VPS13B: variants seen among roughly 807,000 people sequenced by gnomAD.
The protein encoded by VPS13B is vacuolar protein sorting 13 homolog B.
VPS13B carries 285 observed loss-of-function variants against 426.4 expected under a neutral mutation model. The ratio of observed to expected loss-of-function variants is 0.67; its 90% CI spans 0.61 to 0.74. The LOEUF (loss-of-function observed/expected upper bound fraction) is 0.74. Ranked by LOEUF, VPS13B falls within the 30% of genes least tolerant of loss-of-function variation. VPS13B has a pLI of 0.00. For synonymous variants in VPS13B, 1,676 were observed against 1,676.4 expected (o/e 1.00, Z 0.01); for missense variants, 4,537 against 4,782.6 (o/e 0.95, Z 1.51).
chr8:99,122,705 T>C (rs1163724620), intron 8 of VPS13B, among the ~76,000 whole-genome samples: 1 of 152,216 alleles, frequency 6.6e-6, no homozygotes, highest in Non-Finnish European at 1.5e-5. Flanking sequence ...CATTGTTTTG[T>C]CTCCAGAGAT....
intron 52 of VPS13B, among the ~76,000 whole-genome samples, chr8:99,833,994 C>G (rs1407801950): frequency 6.6e-6 from 1 of 152,204 alleles, no homozygotes; most frequent in Admixed American, 6.5e-5. Flanking sequence ...TATTTCCTTC[C>G]CTCAATCCAA....
At chr8:99,478,327 T>C (rs1261919061) in intron 24 of VPS13B, among the ~76,000 whole-genome samples, 1 of 151,642 alleles carries the variant, frequency 6.6e-6, no homozygotes, top group Non-Finnish European at 1.5e-5. Context: ...GTTTGCTGTA[T>C]AAGAACACAG....
intron 19 of VPS13B, among the ~76,000 whole-genome samples, chr8:99,363,061 CAA>C (rs1390125209): frequency 6.6e-6 from 1 of 152,134 alleles, no homozygotes; most frequent in East Asian, 1.9e-4. Context: ...GGGTATTACT[CAA>C]GAAATCTCTG....
intron 21 of VPS13B, among the ~76,000 whole-genome samples, chr8:99,392,557 G>A (rs920991425): frequency 1.8e-4 from 28 of 151,890 alleles, no homozygotes; most frequent in Admixed American, 6.6e-5. Flanking sequence ...AGTCTGTTAT[G>A]GGCAAGACTC....
chr8:99,235,582 G>C (rs997633243), intron 17 of VPS13B, among the ~76,000 whole-genome samples: 1 of 151,980 alleles, frequency 6.6e-6, no homozygotes, highest in Non-Finnish European at 1.5e-5. Flanking sequence ...TTTTTTAGAG[G>C]CTAGTTTCTA....
At chr8:99,605,095 T>C (rs1389990359) in intron 33 of VPS13B, among the ~76,000 whole-genome samples, 1 of 152,220 alleles carries the variant, frequency 6.6e-6, no homozygotes, top group East Asian at 1.9e-4. Context: ...TATGTGAGAT[T>C]TGCACTATGT....
chr8:99,778,559 T>C (rs1009011034), intron 41 of VPS13B, 123 bp from the exon 42 acceptor site: 2 of 872,858 alleles, frequency 2.3e-6, no homozygotes, highest in Non-Finnish European at 3.7e-6. Context: ...TTTGAATTTA[T>C]TAAACACCAA....
chr8:99,856,504 C>A (rs1298926946), intron 56 of VPS13B, among the ~76,000 whole-genome samples: 1 of 152,222 alleles, frequency 6.6e-6, no homozygotes, highest in Non-Finnish European at 1.5e-5. Flanking sequence ...ACCCTGACCT[C>A]ATTTCTAGGG....
rs778063742 is a variant in VPS13B, at chr8:99,121,496, T to A, written c.1206+51T>A. 8.7e-6 allele frequency: 14 copies of A among 1,607,088 alleles called. No individual in the cohort carries two copies. In the South Asian group the frequency reaches 1.6e-4, roughly 18 times the overall value. Reference sequence around the variant, plus strand: ...ATCTCTATCAACTTTAATGCTTAAATTTGGATTGTTAGTACAATTCTAGCT... The same window carrying A: ...ATCTCTATCAACTTTAATGCTTAAAATTGGATTGTTAGTACAATTCTAGCT... On this transcript the variant is annotated intron_variant, in intron 8 of 61. Transcript: ENST00000357162.
intron 17 of VPS13B, among the ~76,000 whole-genome samples, chr8:99,245,638 G>A (rs932163760): frequency 6.6e-5 from 10 of 152,136 alleles, no homozygotes; most frequent in Admixed American, 6.5e-4. Context: ...TTGGCTCACT[G>A]TGGCCTCTGC....
At chr8:99,851,214 A>C (rs1209417313) in intron 55 of VPS13B, among the ~76,000 whole-genome samples, 4 of 152,220 alleles carry the variant, frequency 2.6e-5, no homozygotes, top group Non-Finnish European at 5.9e-5. Context: ...TTCATGAGAA[A>C]GGTACAAGTA....
intron 17 of VPS13B, among the ~76,000 whole-genome samples, chr8:99,230,048 A>G (rs755533869): frequency 6.6e-6 from 1 of 151,884 alleles, no homozygotes; most frequent in Admixed American, 6.6e-5. Context: ...TATTTTTCCC[A>G]TTTTCTGTGT....
chr8:99,267,403 T>C lies in VPS13B; in HGVS notation c.2516-6795T>C, dbSNP rs559662610. ...TTCAAGAGTAGGCAGAACATAAAAGTTTGGAAAATATGCAGCCTGATTATG... is the reference window on the plus strand; with the variant it reads ...TTCAAGAGTAGGCAGAACATAAAAGCTTGGAAAATATGCAGCCTGATTATG... On this transcript the variant is annotated intron_variant, in intron 17 of 61. Transcript: ENST00000357162. Among the ~76,000 whole-genome samples, 84 of 152,012 alleles carry C rather than the reference T, an allele frequency of 5.5e-4. 1 individual carries two copies. In the South Asian group the frequency reaches 0.017, roughly 31 times the overall value.
chr8:99,759,788 C>T (rs1810834050), intron 39 of VPS13B, among the ~76,000 whole-genome samples: 1 of 151,920 alleles, frequency 6.6e-6, no homozygotes, highest in African/African-American at 2.4e-5. Flanking sequence ...TTGGCACTTC[C>T]CTCTCACTTC....
chr8:99,253,791 G>C (rs531161988), intron 17 of VPS13B, among the ~76,000 whole-genome samples: 1 of 151,978 alleles, frequency 6.6e-6, no homozygotes, highest in East Asian at 1.9e-4. Context: ...TGCTATCTCT[G>C]TTTTTCATTT....
chr8:99,505,223 C>T (rs779407982), intron 27 of VPS13B, among the ~76,000 whole-genome samples: 13 of 152,298 alleles, frequency 8.5e-5, no homozygotes, highest in Non-Finnish European at 1.8e-4. Context: ...GTTTCACTTT[C>T]TTGTCATTTG....
rs750156428 is a variant in VPS13B at position 99,871,675 on chromosome 8, C to G, written c.11723C>G (p.Pro3908Arg). The change falls in exon 61 of 62, where the codon CCA becomes CGA. Residue 3908 changes from proline (P) to arginine (R), a missense_variant. This residue lies in a region of VPS13B where 4,311 missense variants were observed against 4,474.3 expected (regional missense o/e 0.96). Coordinates refer to ENST00000357162, the MANE Select transcript of VPS13B (RefSeq NM_152564.5). ...TTACTCACAGTGCAGCTCAAGCAGC[C>G]AAGAGTGGCCTGTGATGTGGAGGTA... ...NNLLTVQLKQ[P>R]RVACDVEVDG... The G allele has an allele frequency of 6.2e-7, 1 of 1,613,934 alleles. No homozygotes were observed. Among genetic ancestry groups the G allele is most frequent in the Admixed American group, 1.7e-5 (1 of 60,028 alleles).
At position 99,155,407 on chromosome 8, in the gene VPS13B, G is replaced by A. The variant is rs186416112; in HGVS notation, c.2014-1142G>A. Among the ~76,000 whole-genome samples, 51 of 152,256 alleles carry A rather than the reference G, an allele frequency of 3.3e-4. No individual in the cohort carries two copies. The East Asian group carries it at 6.6e-3, about 20-fold the overall frequency. On this transcript the variant is annotated intron_variant, in intron 14 of 61. Coordinates refer to ENST00000357162, the MANE Select transcript of VPS13B (RefSeq NM_152564.5). ...TATGGCAATTGAAGTGATTGGCTACGTCTGTTGAGGATTTAGTATTGCCTT... is the reference window on the plus strand; with the variant it reads ...TATGGCAATTGAAGTGATTGGCTACATCTGTTGAGGATTTAGTATTGCCTT...
intron 2 of VPS13B, among the ~76,000 whole-genome samples, chr8:99,026,882 T>A (rs528638290): frequency 8.5e-4 from 129 of 152,276 alleles, no homozygotes; most frequent in African/African-American, 3.1e-3. Context: ...TTATTTTTTT[T>A]TTCCCCCGCT....
Sources: allele counts gnomAD v4.1 joint callset (sites outside exome capture counted in the v4.1 genomes callset), GRCh38; gene constraint gnomAD v4.1.1; regional missense constraint gnomAD v4.1.1; transcripts MANE v1.5; gene names NCBI Gene and HGNC (gene_info 2026-07-23, HGNC 2026-07-21).